CHD7: variants seen among roughly 807,000 people sequenced by gnomAD.
CHD7 encodes ATP-dependent chromatin remodeler CHD7.
In CHD7, 24 loss-of-function variants were observed where a neutral mutation model predicts 307.3. That is an observed-to-expected ratio of 0.08 (90% confidence interval 0.06 to 0.11). CHD7 has a LOEUF of 0.11. Among genes scored for constraint, CHD7 ranks in the 10% least tolerant of loss-of-function variants. CHD7 has a pLI of 1.00. For synonymous variants in CHD7, 1,363 were observed against 1,349.9 expected (o/e 1.01, Z -0.21); for missense variants, 3,106 against 3,727.1 (o/e 0.83, Z 4.34).
chr8:60,844,416 C>A (rs1010779759), intron 21 of CHD7, among the ~76,000 whole-genome samples: 2 of 152,132 alleles, frequency 1.3e-5, no homozygotes. Context: ...TGGGTTGATG[C>A]GGCCATACTG....
At chr8:60,828,019 G>A (rs1804333883) in intron 13 of CHD7, among the ~76,000 whole-genome samples, 1 of 152,006 alleles carries the variant, frequency 6.6e-6, no homozygotes, top group African/African-American at 2.4e-5. Flanking sequence ...GGGTATAACT[G>A]CATGAGGAAA....
At chr8:60,709,365 A>G (rs924744145) in intron 1 of CHD7, among the ~76,000 whole-genome samples, 1 of 152,198 alleles carries the variant, frequency 6.6e-6, no homozygotes, top group Non-Finnish European at 1.5e-5. Context: ...AAAATCACCA[A>G]CGTTTATTCA....
intron 1 of CHD7, among the ~76,000 whole-genome samples, chr8:60,703,190 A>G (rs1340042049): frequency 6.6e-6 from 1 of 152,104 alleles, no homozygotes; most frequent in Non-Finnish European, 1.5e-5. Context: ...CATCTTAACT[A>G]TTTTTAAGTG....
In CHD7 at chr8:60,867,143, A is replaced by G. The variant is rs946088512; in HGVS notation, c.*1210A>G. 5 of 152,228 alleles carry G rather than the reference A, an allele frequency of 3.3e-5. No homozygotes were observed. Among genetic ancestry groups the G allele is most frequent in the Non-Finnish European group, 7.3e-5 (5 of 68,040 alleles). The allele number at this position is 152,228 out of a possible 1,614,324, so 9.4% of individuals were successfully genotyped here. A position where few individuals can be genotyped will look rare whatever the true frequency, so the allele number is the denominator to read the frequency against. ...ACAGAAATGCATACAAAAAGCTCCT[A>G]TTACTCCCTCAAAAGGGCATCTGAG... On this transcript the variant is annotated 3_prime_UTR_variant, in exon 38 of 38. Transcript: ENST00000423902.
At chr8:60,860,150 C>G (rs1201811991) in intron 34 of CHD7, among the ~76,000 whole-genome samples, 2 of 152,208 alleles carry the variant, frequency 1.3e-5, no homozygotes, top group Admixed American at 1.3e-4. Flanking sequence ...AAGTGTCCCA[C>G]TACCAACAAA....
chr8:60,796,422 G>T (rs545339210), intron 4 of CHD7, among the ~76,000 whole-genome samples: 2 of 152,152 alleles, frequency 1.3e-5, no homozygotes, highest in African/African-American at 4.8e-5. Context: ...ATCCGTAAGG[G>T]TATTTTCTCC....
intron 19 of CHD7, among the ~76,000 whole-genome samples, chr8:60,840,053 A>G (rs1804902351): frequency 6.6e-6 from 1 of 152,232 alleles, no homozygotes; most frequent in Non-Finnish European, 1.5e-5. Flanking sequence ...GTCTGGCTTC[A>G]TTCAGTTAGC....
chr8:60,850,947 A>T, intron 26 of CHD7, 85 bp from the exon 27 acceptor site: 1 of 904,938 alleles, frequency 1.1e-6, no homozygotes, highest in Non-Finnish European at 1.7e-6. Context: ...AGCACTGGGC[A>T]GATTATTACT....
intron 2 of CHD7, among the ~76,000 whole-genome samples, chr8:60,752,513 C>T (rs550546255): frequency 6.6e-6 from 1 of 152,280 alleles, no homozygotes; most frequent in African/African-American, 2.4e-5. Context: ...GGGTGCATAT[C>T]CTTTCTTGTG....
Position 60,844,085 on chromosome 8 carries a change from C to T in CHD7, c.4851-779C>T, listed in dbSNP as rs372301632. Reference sequence around the variant, plus strand: ...TGCTGTCGCCTGGGAGAAGACATGGCTCACATAGCACCTGCTGCTGCCTGC... The same window carrying T: ...TGCTGTCGCCTGGGAGAAGACATGGTTCACATAGCACCTGCTGCTGCCTGC... On this transcript the variant is annotated intron_variant, in intron 21 of 37. Coordinates refer to ENST00000423902, the MANE Select transcript of CHD7 (RefSeq NM_017780.4). Among the ~76,000 whole-genome samples the T allele has an allele frequency of 3.0e-4, 45 of 152,358 alleles. No homozygotes were observed. In the South Asian group the frequency reaches 8.9e-3, roughly 30 times the overall value.
At chr8:60,864,749 T>G in intron 37 of CHD7, 2 of 452,998 alleles carry the variant, frequency 4.4e-6, no homozygotes, top group Non-Finnish European at 4.0e-6. Flanking sequence ...TTCTGATGTA[T>G]GATTTCTTGA....
At chr8:60,793,390 T>C (rs1811865175) in intron 3 of CHD7, among the ~76,000 whole-genome samples, 1 of 152,182 alleles carries the variant, frequency 6.6e-6, no homozygotes, top group African/African-American at 2.4e-5. Context: ...AATTGTTATT[T>C]TCTTATGTAG....
At chr8:60,840,449 C>T (rs553679866) in intron 19 of CHD7, among the ~76,000 whole-genome samples, 19 of 151,970 alleles carry the variant, frequency 1.3e-4, no homozygotes, top group Admixed American at 7.9e-4. Flanking sequence ...TTCTGGCTTC[C>T]GCTTCTTTCA....
chr8:60,738,075 T>C (rs1310900637), intron 1 of CHD7, among the ~76,000 whole-genome samples: 2 of 152,250 alleles, frequency 1.3e-5, no homozygotes, highest in African/African-American at 2.4e-5. Flanking sequence ...TATGAGACTT[T>C]AAAAAATTTC....
intron 1 of CHD7, among the ~76,000 whole-genome samples, chr8:60,687,489 C>T (rs1805967446): frequency 6.6e-6 from 1 of 152,178 alleles, no homozygotes; most frequent in African/African-American, 2.4e-5. Context: ...ATTTTGCTTT[C>T]ATTAATCTCA....
At chr8:60,704,197 G>T (rs1806905005) in intron 1 of CHD7, among the ~76,000 whole-genome samples, 1 of 152,022 alleles carries the variant, frequency 6.6e-6, no homozygotes, top group African/African-American at 2.4e-5. Context: ...TTATCGTTTT[G>T]TGTTTATTAA....
intron 1 of CHD7, among the ~76,000 whole-genome samples, chr8:60,720,650 T>TAG (rs1232564736): frequency 6.6e-6 from 1 of 152,124 alleles, no homozygotes; most frequent in East Asian, 1.9e-4. Flanking sequence ...TCCGTTCTGG[T>TAG]AGAGAGAGAG....
chr8:60,737,326 A>G (rs1295848357), intron 1 of CHD7, among the ~76,000 whole-genome samples: 1 of 152,240 alleles, frequency 6.6e-6, no homozygotes, highest in Non-Finnish European at 1.5e-5. Context: ...AATAAAACAG[A>G]CTTGATGCAG....
At position 60,865,706 on chromosome 8, in the gene CHD7, G is replaced by A. The variant is rs1242867481; in HGVS notation, c.8767G>A (p.Ala2923Thr). The A allele has an allele frequency of 5.0e-6, 8 of 1,607,446 alleles. No individual in the cohort carries two copies. The African/African-American group carries it at 9.4e-5, about 19-fold the overall frequency. The stretch of plus-strand genomic sequence containing the variant: ...GGGATTGACGCTGCCTGGGTTCCCA[G>A]CATTGGCAGGACTTCAGAATGCCGT... ...LGGLTLPGFP[A>T]LAGLQNAVGS... Residue 2923 changes from alanine to threonine, a missense_variant, in exon 38 of 38, where the codon GCA becomes ACA. Physicochemically the swap from Ala to Thr is moderately conservative, Grantham distance 58 (BLOSUM62 0). This residue lies in a region of CHD7 where 351 missense variants were observed against 366.2 expected (regional missense o/e 0.96). Coordinates refer to ENST00000423902, the MANE Select transcript of CHD7 (RefSeq NM_017780.4). The surrounding 1 kb of genome is among the most constrained non-coding windows in gnomAD (Gnocchi z 4.3).
Sources: allele counts gnomAD v4.1 joint callset (sites outside exome capture counted in the v4.1 genomes callset), GRCh38; gene constraint gnomAD v4.1.1; regional missense constraint gnomAD v4.1.1; non-coding constraint Gnocchi (gnomAD v3.1); transcripts MANE v1.5; gene names NCBI Gene and HGNC (gene_info 2026-07-23, HGNC 2026-07-21).